CCDC97: variants seen among roughly 807,000 people sequenced by gnomAD.
The protein encoded by CCDC97 is coiled-coil domain-containing protein 97.
Under a neutral mutation model 33.9 loss-of-function variants are expected in CCDC97, and 27 were observed. The ratio of observed to expected loss-of-function variants is 0.80; its 90% CI spans 0.59 to 1.10. The LOEUF (loss-of-function observed/expected upper bound fraction) is 1.10. Ranked by LOEUF, CCDC97 falls within the 50% of genes least tolerant of loss-of-function variation. The pLI is 0.00. For synonymous variants in CCDC97, 217 were observed against 194.0 expected (o/e 1.12, Z -0.99); for missense variants, 422 against 476.6 (o/e 0.89, Z 1.07).
In CCDC97 at chr19:41,316,542, G is replaced by T; in HGVS notation, c.205G>T (p.Ala69Ser). 6.2e-7 allele frequency: 1 copy of T among 1,614,218 alleles called. No individual in the cohort carries two copies. The highest frequency in any genetic ancestry group is 1.1e-5 in the South Asian group (1 of 91,088). Residue 69 changes from alanine (A) to serine (S), a missense_variant, in exon 2 of 5, where the codon GCT (alanine) becomes TCT (serine). By Grantham distance (99) the Ala-to-Ser change is moderately conservative. Coordinates refer to ENST00000269967, the MANE Select transcript of CCDC97 (RefSeq NM_052848.3). ...TGCAGCAGTGAGTGCTATGCTGCAC[G>T]CTGTAGCCGCCAGCCGCCTGCCTGT... The part of the protein sequence containing the change: ...ENAAVSAMLH[A>S]VAASRLPVCS...
chr19:41,310,910 A>G, intron 1 of CCDC97: 1 of 983,634 alleles, frequency 1.0e-6, no homozygotes. Context: ...CACAACCTTC[A>G]AAGTAATCCG....
chr19:41,316,985 C>G, intron 2 of CCDC97, 146 bp downstream of exon 2: 1 of 657,716 alleles, frequency 1.5e-6, no homozygotes, highest in Non-Finnish European at 2.6e-6. Context: ...CAGGAAGAGA[C>G]TGAGACAGAA....
intron 1 of CCDC97, chr19:41,310,664 T>C (rs1599870335): frequency 1.5e-6 from 2 of 1,303,666 alleles, no homozygotes; most frequent in African/African-American, 3.0e-5. Context: ...CCCGGCCTAA[T>C]TCCTGCATTG....
chr19:41,311,758 G>T (rs1326727268), intron 1 of CCDC97, among the ~76,000 whole-genome samples: 1 of 151,680 alleles, frequency 6.6e-6, no homozygotes, highest in Non-Finnish European at 1.5e-5. Context: ...AATTAGCCAG[G>T]TTTGATGGTG....
At chr19:41,318,628 G>A (rs1048139760) in intron 2 of CCDC97, among the ~76,000 whole-genome samples, 15 of 152,194 alleles carry the variant, frequency 9.9e-5, no homozygotes, top group Non-Finnish European at 1.5e-5. Flanking sequence ...GACCAGTGGA[G>A]GGGAGGGACC....
rs560344195 is a variant in CCDC97, at chr19:41,310,372, C to T, written c.46+16C>T. The T allele has an allele frequency of 1.2e-6, 2 of 1,600,948 alleles. No individual in the cohort carries two copies. Among genetic ancestry groups the T allele is most frequent in the African/African-American group, 1.3e-5 (1 of 74,906 alleles). On this transcript the variant is annotated intron_variant, in intron 1 of 4. Coordinates refer to ENST00000269967, the MANE Select transcript of CCDC97 (RefSeq NM_052848.3). ...CCCGATAAGGGTGAGATCTTGGTCA[C>T]GCGCAGGCGGCGGGTGGGTGCGGTT...
intron 1 of CCDC97, among the ~76,000 whole-genome samples, chr19:41,312,861 C>T (rs2037702988): frequency 6.6e-6 from 1 of 152,088 alleles, no homozygotes; most frequent in South Asian, 2.1e-4. Context: ...TTCACTGCAA[C>T]CTCTGCCTCC....
At chr19:41,319,221 G>A (rs2037785737) in intron 2 of CCDC97, among the ~76,000 whole-genome samples, 1 of 152,262 alleles carries the variant, frequency 6.6e-6, no homozygotes, top group Admixed American at 6.5e-5. Flanking sequence ...GAATACACAG[G>A]AAGATAGAGG....
chr19:41,323,631 C>G lies in CCDC97; in HGVS notation c.*916C>G, dbSNP rs2037850116. The G allele has an allele frequency of 1.3e-5, 2 of 154,450 alleles. No homozygotes were observed. Among genetic ancestry groups the G allele is most frequent in the East Asian group, 3.8e-4 (2 of 5,256 alleles). 9.6% of individuals were successfully genotyped at this position (154,450 alleles called of 1,614,324 possible). A position where few individuals can be genotyped will look rare whatever the true frequency, so the allele number is the denominator to read the frequency against. On this transcript the variant is annotated 3_prime_UTR_variant, in exon 5 of 5. Transcript: ENST00000269967. ...CTACCCTTCTCAGCCCCACCAGCCC[C>G]CCTCTGCCCAACCACAATTTTCCCT...
chr19:41,310,473 C>G, intron 1 of CCDC97, 117 bp downstream of exon 1: 2 of 1,510,210 alleles, frequency 1.3e-6, no homozygotes, highest in Non-Finnish European at 1.8e-6. Context: ...CCCCCCTCAG[C>G]TTTACCGGTC....
chr19:41,314,777 A>G (rs2037725770), intron 1 of CCDC97, among the ~76,000 whole-genome samples: 2 of 152,076 alleles, frequency 1.3e-5, no homozygotes. Flanking sequence ...AGGCAGGAGG[A>G]TCACTTGAGG....
chr19:41,310,482 T>C (rs765731924), intron 1 of CCDC97, 126 bp downstream of exon 1: 114 of 1,500,270 alleles, frequency 7.6e-5, no homozygotes, highest in Non-Finnish European at 9.5e-5. Context: ...GCTTTACCGG[T>C]CCTCTTCACT....
Position 41,320,354 on chromosome 19 carries a change from C to T in CCDC97, c.795C>T (p.Gly265=). ...EDSDEEDQRS[G]KDSEAWVPDS... ...CTCCCTCTGCAGACCAGAGGTCAGG[C>T]AAGGACTCGGAGGCCTGGGTTCCCG... Residue 265 remains glycine (G), a synonymous_variant, in exon 4 of 5, where the codon GGC becomes GGT. Coordinates refer to ENST00000269967, the MANE Select transcript of CCDC97 (RefSeq NM_052848.3). 1.2e-6 allele frequency: 2 copies of T among 1,613,998 alleles called. No homozygotes were observed. Among genetic ancestry groups the T allele is most frequent in the Non-Finnish European group, 1.7e-6 (2 of 1,180,000 alleles).
rs375315987 is a variant in CCDC97 at position 41,318,006 on chromosome 19, AAAG to A, written c.502+1173_502+1175del. ...GTGGAGGTTGCCAAAAAAAAAAAAA[AAAG>A]AAGAAAGATGAATGAGGTGGGGGTA... is the stretch of plus-strand genomic sequence containing the variant. On this transcript the variant is annotated intron_variant, in intron 2 of 4. Coordinates refer to ENST00000269967, the MANE Select transcript of CCDC97 (RefSeq NM_052848.3). 7.6e-3 allele frequency among the ~76,000 whole-genome samples: 1,141 copies of A among 150,514 alleles called. 5 individuals are homozygous for A. The highest frequency in any genetic ancestry group is 0.014 in the Middle Eastern group (4 of 292).
rs755774599 is a variant in CCDC97, at chr19:41,316,737, T to G, written c.400T>G (p.Phe134Val). 1 of 1,613,792 alleles carries G rather than the reference T, an allele frequency of 6.2e-7. No individual in the cohort carries two copies. Among genetic ancestry groups the G allele is most frequent in the South Asian group, 1.1e-5 (1 of 91,072 alleles). ...CGTGCGTGGCGACCACCGTGCAGAC[T>G]TCTACTGTGCTGAGGTGGCCCGGCA... ...GHVRGDHRAD[F>V]YCAEVARQGT... Residue 134 changes from phenylalanine to valine, a missense_variant, in exon 2 of 5, where the codon TTC becomes GTC. Coordinates refer to ENST00000269967, the MANE Select transcript of CCDC97 (RefSeq NM_052848.3).
At chr19:41,321,224 T>C (rs1362433149) in intron 4 of CCDC97, among the ~76,000 whole-genome samples, 2 of 152,248 alleles carry the variant, frequency 1.3e-5, no homozygotes, top group Non-Finnish European at 2.9e-5. Flanking sequence ...CCTCCCATTC[T>C]GGGATCCCTG....
At chr19:41,320,320 C>A in intron 3 of CCDC97, 21 bp from the exon 4 acceptor site, 1 of 1,613,054 alleles carries the variant, frequency 6.2e-7, no homozygotes, top group South Asian at 1.1e-5. Flanking sequence ...CATTCACACC[C>A]CCTCTCCTCT....
intron 1 of CCDC97, among the ~76,000 whole-genome samples, chr19:41,314,271 C>G (rs896298973): frequency 1.3e-5 from 2 of 152,092 alleles, no homozygotes; most frequent in African/African-American, 4.8e-5. Context: ...CTCAGCCTCC[C>G]GAGTAGCTGG....
intron 4 of CCDC97, 46 bp downstream of exon 4, chr19:41,320,516 C>A (rs566607100): frequency 6.2e-7 from 1 of 1,611,746 alleles, no homozygotes; most frequent in African/African-American, 1.3e-5. Context: ...CAGCATCCCA[C>A]GGCCTTTGGT....
Sources: allele counts gnomAD v4.1 joint callset (sites outside exome capture counted in the v4.1 genomes callset), GRCh38; gene constraint gnomAD v4.1.1; transcripts MANE v1.5; gene names NCBI Gene and HGNC (gene_info 2026-07-23, HGNC 2026-07-21).